Variants in ARHGAP6 observed in about 807,000 individuals in gnomAD.
The protein encoded by ARHGAP6 is Rho GTPase activating protein 6, also known as rho GTPase-activating protein 6.
In ARHGAP6, 16 loss-of-function variants were observed where a neutral mutation model predicts 55.7. That is an observed-to-expected ratio of 0.29 (90% CI 0.19 to 0.44). ARHGAP6 has a LOEUF of 0.44. Among genes scored for constraint, ARHGAP6 ranks in the 20% least tolerant of loss-of-function variants. The pLI, the probability that ARHGAP6 is intolerant of heterozygous loss-of-function variation, is 1.00. For synonymous variants in ARHGAP6, 382 were observed against 360.9 expected, an observed-to-expected ratio of 1.06 and a Z score of -0.66; for missense variants, 698 against 808.9, an observed-to-expected ratio of 0.86 and a Z score of 1.66.
chrX:11,473,022 G>A (rs772590011), intron 1 of ARHGAP6, among the ~76,000 whole-genome samples: 11 of 110,937 alleles, frequency 9.9e-5, no homozygotes, highest in Non-Finnish European at 1.7e-4. Context: ...TCCATGGCCA[G>A]AAACCTCATC....
intron 1 of ARHGAP6, among the ~76,000 whole-genome samples, chrX:11,449,049 C>T (rs1461245738): frequency 2.7e-5 from 3 of 111,273 alleles, no homozygotes; most frequent in Non-Finnish European, 5.7e-5. Flanking sequence ...CAGCTGGGAA[C>T]AAGATGTTGT....
At chrX:11,409,754 T>C (rs913257756) in intron 1 of ARHGAP6, among the ~76,000 whole-genome samples, 2 of 112,562 alleles carry the variant, frequency 1.8e-5, no homozygotes, top group African/African-American at 6.5e-5. Context: ...CTCTTGTTTG[T>C]TATACAAATA....
chrX:11,139,724 T>G (rs1045302476), intron 12 of ARHGAP6, among the ~76,000 whole-genome samples, 194 bp from the exon 13 acceptor site: 2 of 112,206 alleles, frequency 1.8e-5, no homozygotes, highest in African/African-American at 3.2e-5. Context: ...AGACAAATGC[T>G]TTTTGATTAT....
intron 2 of ARHGAP6, among the ~76,000 whole-genome samples, chrX:11,200,510 A>G (rs766165729): frequency 2.7e-5 from 3 of 112,621 alleles, no homozygotes; most frequent in Non-Finnish European, 5.6e-5. Context: ...GGAAAGACCA[A>G]TACCAAACAG....
At chrX:11,394,068 C>T (rs1305002411) in intron 1 of ARHGAP6, among the ~76,000 whole-genome samples, 1 of 111,575 alleles carries the variant, frequency 9.0e-6, no homozygotes, top group Non-Finnish European at 1.9e-5. Context: ...CAAAAATGGA[C>T]TTCCTGTAGA....
intron 1 of ARHGAP6, among the ~76,000 whole-genome samples, chrX:11,621,528 T>C (rs1459395101): frequency 5.4e-5 from 6 of 111,416 alleles, no homozygotes; most frequent in African/African-American, 2.0e-4. Context: ...AAACTTTAGA[T>C]TTGAGGCAGC....
Position 11,254,589 on chromosome X carries a change from T to G in ARHGAP6, c.707A>C (p.Gln236Pro). ...RLQEVAFYQLQQDCDLSCQIT... is the reference protein window; with the variant it reads ...RLQEVAFYQLPQDCDLSCQIT... ...CTGACAGCTCAGGTCACAGTCCTGTTGCAACTGATAAAAAGCCACTTCCTG... is the reference window on the plus strand; with the variant it reads ...CTGACAGCTCAGGTCACAGTCCTGTGGCAACTGATAAAAAGCCACTTCCTG... The change falls in exon 2 of 13, where the codon CAA becomes CCA. Residue 236 changes from glutamine to proline, a missense_variant. Gln to Pro is a moderately conservative substitution (Grantham distance 76, BLOSUM62 -1). This residue lies in a region of ARHGAP6 where 322 missense variants were observed against 451.1 expected (regional missense o/e 0.71). Transcript: ENST00000337414. The G allele has an allele frequency of 8.3e-7, 1 of 1,210,914 alleles. No homozygotes were observed. The highest frequency in any genetic ancestry group is 1.1e-6 in the Non-Finnish European group (1 of 895,310).
At chrX:11,195,670 GT>G (rs2046524442) in intron 3 of ARHGAP6, among the ~76,000 whole-genome samples, 1 of 110,294 alleles carries the variant, frequency 9.1e-6, no homozygotes, top group Non-Finnish European at 1.9e-5. Context: ...AGGGTGGAGG[GT>G]GGGAGGAAAG....
intron 1 of ARHGAP6, among the ~76,000 whole-genome samples, chrX:11,554,343 C>T (rs760656501): frequency 9.0e-6 from 1 of 111,677 alleles, no homozygotes; most frequent in Non-Finnish European, 1.9e-5. Context: ...TGCAAACATA[C>T]AGTTAGATAG....
intron 2 of ARHGAP6, among the ~76,000 whole-genome samples, chrX:11,215,476 C>G (rs753939279): frequency 1.8e-5 from 2 of 113,302 alleles, no homozygotes; most frequent in South Asian, 3.6e-4. Context: ...GACATATTCT[C>G]CGCGATCCCT....
chrX:11,440,271 TATAG>T (rs1237376342), intron 1 of ARHGAP6, among the ~76,000 whole-genome samples: 1 of 112,432 alleles, frequency 8.9e-6, no homozygotes, highest in Non-Finnish European at 1.9e-5. Flanking sequence ...CGTCATACTA[TATAG>T]ATAAATATGT....
chrX:11,590,890 G>GAA (rs1230096531), intron 1 of ARHGAP6, among the ~76,000 whole-genome samples: 1 of 85,188 alleles, frequency 1.2e-5, no homozygotes, highest in Middle Eastern at 5.3e-3. Flanking sequence ...AAGAAAGAAA[G>GAA]AAAGAAAGAA....
chrX:11,152,063 T>C lies in ARHGAP6; in HGVS notation c.1907+4466A>G, dbSNP rs775225387. Among the ~76,000 whole-genome samples, 4 of 112,217 alleles carry C rather than the reference T, an allele frequency of 3.6e-5. No homozygotes were observed. In the East Asian group the frequency reaches 8.4e-4, roughly 23 times the overall value. On this transcript the variant is annotated intron_variant, in intron 10 of 12. Coordinates refer to ENST00000337414, the MANE Select transcript of ARHGAP6 (RefSeq NM_013427.3). ...GAGCAAATTGGTGATGTTTATGATA[T>C]ACCAGACTATACACTAAGAGCATAA... is the stretch of plus-strand genomic sequence containing the variant.
intron 1 of ARHGAP6, among the ~76,000 whole-genome samples, chrX:11,461,034 G>A (rs1045511252): frequency 4.5e-5 from 5 of 111,881 alleles, no homozygotes; most frequent in African/African-American, 9.8e-5. Context: ...CCAGCTGAGC[G>A]AGGGTCCTCC....
chrX:11,175,805 G>A (rs1467267962), intron 8 of ARHGAP6, among the ~76,000 whole-genome samples: 1 of 110,309 alleles, frequency 9.1e-6, no homozygotes, highest in East Asian at 2.8e-4. Context: ...AGAATTCCTA[G>A]CTCCAAATAT....
intron 1 of ARHGAP6, among the ~76,000 whole-genome samples, chrX:11,525,372 T>C (rs758145818): frequency 1.2e-4 from 14 of 112,202 alleles, no homozygotes; most frequent in African/African-American, 3.9e-4. Flanking sequence ...AATCTTGAGA[T>C]GTTGAAGTCT....
At chrX:11,234,664 T>C (rs1311260831) in intron 2 of ARHGAP6, among the ~76,000 whole-genome samples, 1 of 112,507 alleles carries the variant, frequency 8.9e-6, no homozygotes, top group East Asian at 2.8e-4. Context: ...TAAACATAGC[T>C]GAGCCATACA....
At chrX:11,162,547 A>T (rs759129408) in intron 9 of ARHGAP6, among the ~76,000 whole-genome samples, 75 of 111,010 alleles carry the variant, frequency 6.8e-4, no homozygotes, top group Middle Eastern at 4.7e-3. Context: ...CTCTTGCTCA[A>T]TTTTATGCTC....
chrX:11,427,754 C>T (rs1237391624), intron 1 of ARHGAP6: 18 of 760,957 alleles, frequency 2.4e-5, no homozygotes, highest in Admixed American at 8.7e-5. Context: ...CACAGCGTCC[C>T]GCTGCCGCTG....
Sources: allele counts gnomAD v4.1 joint callset (sites outside exome capture counted in the v4.1 genomes callset), GRCh38; gene constraint gnomAD v4.1.1; regional missense constraint gnomAD v4.1.1; transcripts MANE v1.5; gene names NCBI Gene and HGNC (gene_info 2026-07-23, HGNC 2026-07-21).